SPMAP2L: variants seen among roughly 807,000 people sequenced by gnomAD.
The protein encoded by SPMAP2L is sperm microtubule associated protein 2-like.
At chr4:56,592,922 G>T in the SPMAP2L span, 1 of 1,606,506 alleles carries the variant, frequency 6.2e-7, no homozygotes, top group Non-Finnish European at 8.5e-7. Context: ...GAGCATTGAT[G>T]AATTGATCGA....
chr4:56,595,763 C>T, the SPMAP2L span: 1 of 826,940 alleles, frequency 1.2e-6, no homozygotes, highest in Non-Finnish European at 2.2e-6. Context: ...GGTGCCTCTC[C>T]CCAGAGCATT....
chr4:56,606,191 A>G, the SPMAP2L span, among the ~76,000 whole-genome samples: 1 of 152,202 alleles, frequency 6.6e-6, no homozygotes, highest in Admixed American at 6.5e-5. Flanking sequence ...GGACTAACTA[A>G]CCAAAGAGGA....
chr4:56,594,724 G>C, the SPMAP2L span: 1 of 1,448,674 alleles, frequency 6.9e-7, no homozygotes, highest in Non-Finnish European at 9.7e-7. Flanking sequence ...ATAAGCACAA[G>C]GAGAACCTAG....
At chr4:56,542,813 C>T in the SPMAP2L span, among the ~76,000 whole-genome samples, 16,153 of 152,100 alleles carry the variant, frequency 0.11, 944 homozygotes, top group East Asian at 0.2. Context: ...AGCCCTGATC[C>T]CTCAACGTTA....
At chr4:56,595,158 A>G in the SPMAP2L span, 1 of 1,611,632 alleles carries the variant, frequency 6.2e-7, no homozygotes, top group Non-Finnish European at 8.5e-7. Context: ...AAACTGCGAT[A>G]TTAAATGCCA....
the SPMAP2L span, among the ~76,000 whole-genome samples, chr4:56,555,696 T>C: frequency 1.3e-5 from 2 of 152,194 alleles, no homozygotes; most frequent in African/African-American, 4.8e-5. Flanking sequence ...ATTATGCTTA[T>C]GTATTTAATT....
chr4:56,624,157 G>C, the SPMAP2L span, among the ~76,000 whole-genome samples: 2 of 152,234 alleles, frequency 1.3e-5, no homozygotes, highest in African/African-American at 4.8e-5. Context: ...TTATGTTTTA[G>C]CAAAGAGACT....
At chr4:56,552,749 TA>T in the SPMAP2L span, 4 of 619,226 alleles carry the variant, frequency 6.5e-6, no homozygotes, top group Non-Finnish European at 1.1e-5. Context: ...AGTCAGCATG[TA>T]AAAGGCTAAC....
chr4:56,559,801 T>TGC, the SPMAP2L span, among the ~76,000 whole-genome samples: 1 of 152,086 alleles, frequency 6.6e-6, no homozygotes, highest in Admixed American at 6.6e-5. Flanking sequence ...GCTCCTGACA[T>TGC]TGTGACCTGC....
the SPMAP2L span, among the ~76,000 whole-genome samples, chr4:56,563,616 A>C: frequency 6.6e-6 from 1 of 152,162 alleles, no homozygotes; most frequent in Admixed American, 6.5e-5. Context: ...ATACCAGTTT[A>C]AGGTGGCCAT....
chr4:56,568,694 G>A, the SPMAP2L span, among the ~76,000 whole-genome samples: 1 of 152,146 alleles, frequency 6.6e-6, no homozygotes, highest in Admixed American at 6.5e-5. Context: ...AAATTAAAGT[G>A]TATAAATTAG....
chr4:56,544,013 T>A, the SPMAP2L span, among the ~76,000 whole-genome samples: 1 of 149,480 alleles, frequency 6.7e-6, no homozygotes, highest in Non-Finnish European at 1.5e-5. Context: ...AGAGATGGAG[T>A]CTCGCTCTCT....
chr4:56,597,859 TG>T, the SPMAP2L span, among the ~76,000 whole-genome samples: 1 of 151,372 alleles, frequency 6.6e-6, no homozygotes, highest in Non-Finnish European at 1.5e-5. Flanking sequence ...TTGTTTTTTT[TG>T]TGATGGTGGT....
the SPMAP2L span, among the ~76,000 whole-genome samples, chr4:56,552,805 T>TG: frequency 6.6e-6 from 1 of 152,194 alleles, no homozygotes; most frequent in Non-Finnish European, 1.5e-5. Context: ...TGGAATCACC[T>TG]GGGGAACTTT....
chr4:56,559,535 G>A, the SPMAP2L span: 1 of 1,476,654 alleles, frequency 6.8e-7, no homozygotes, highest in Non-Finnish European at 8.9e-7. Flanking sequence ...GTGTCTGTGT[G>A]TTATCATGTT....
At chr4:56,617,124 G>A in the SPMAP2L span, among the ~76,000 whole-genome samples, 2 of 152,138 alleles carry the variant, frequency 1.3e-5, no homozygotes, top group African/African-American at 4.8e-5. Context: ...GTCATTCTGT[G>A]AACATCATAG....
At chr4:56,550,275 A>G in the SPMAP2L span, among the ~76,000 whole-genome samples, 1 of 152,132 alleles carries the variant, frequency 6.6e-6, no homozygotes, top group Non-Finnish European at 1.5e-5. Flanking sequence ...GGTGTGAACC[A>G]CCACACCTGG....
chr4:56,592,808 C>A, the SPMAP2L span, among the ~76,000 whole-genome samples: 2 of 151,940 alleles, frequency 1.3e-5, no homozygotes, highest in South Asian at 4.1e-4. Context: ...TGGGGCCTCG[C>A]GCCTCCTGGA....
At chr4:56,600,111 T>C in the SPMAP2L span, among the ~76,000 whole-genome samples, 3 of 141,842 alleles carry the variant, frequency 2.1e-5, no homozygotes, top group East Asian at 2.0e-4. Flanking sequence ...TTTTTTTTTT[T>C]TTTTTTTTTT....
Sources: allele counts gnomAD v4.1 joint callset (sites outside exome capture counted in the v4.1 genomes callset), GRCh38; gene constraint gnomAD v4.1.1; transcripts MANE v1.5; gene names NCBI Gene and HGNC (gene_info 2026-07-23, HGNC 2026-07-21).